The following FOXJ3 variants were observed in gnomAD, a reference collection of about 807,000 sequenced individuals.
FOXJ3 encodes forkhead box J3.
A neutral mutation model predicts 76.1 loss-of-function variants in FOXJ3; 22 were observed. That is an observed-to-expected ratio of 0.29 (90% CI 0.21 to 0.41). The LOEUF (loss-of-function observed/expected upper bound fraction) is 0.41, where lower values mean the gene tolerates loss of function less well. Among genes scored for constraint, FOXJ3 ranks in the 10% least tolerant of loss-of-function variants. FOXJ3 has a pLI of 1.00. For synonymous variants in FOXJ3, 269 were observed against 261.2 expected (o/e 1.03, Z -0.29); for missense variants, 613 against 762.1 (o/e 0.80, Z 2.30).
chr1:42,275,911 A>G (rs145299364), intron 3 of FOXJ3, among the ~76,000 whole-genome samples: 1 of 152,216 alleles, frequency 6.6e-6, no homozygotes. Context: ...TGACAACAAC[A>G]GCACAAAGAA....
intron 4 of FOXJ3, among the ~76,000 whole-genome samples, chr1:42,252,638 C>T (rs1650192291): frequency 6.7e-6 from 1 of 148,830 alleles, no homozygotes; most frequent in Non-Finnish European, 1.5e-5. Context: ...CAGTTCTGCT[C>T]TGATTTTAGT....
intron 2 of FOXJ3, among the ~76,000 whole-genome samples, chr1:42,306,093 T>C (rs961637993): frequency 1.3e-5 from 2 of 152,174 alleles, no homozygotes; most frequent in Non-Finnish European, 2.9e-5. Context: ...TATTCACTTG[T>C]CTACATAAAG....
intron 9 of FOXJ3, 104 bp downstream of exon 9, chr1:42,191,199 G>C (rs947684400): frequency 5.8e-6 from 6 of 1,036,306 alleles, no homozygotes; most frequent in Non-Finnish European, 8.3e-6. Flanking sequence ...CAAGGAAACA[G>C]ATGTAAAGAG....
At chr1:42,291,079 T>TAGATAGATAGACAGAC (rs1553167254) in intron 2 of FOXJ3, among the ~76,000 whole-genome samples, 36 of 125,656 alleles carry the variant, frequency 2.9e-4, no homozygotes, top group African/African-American at 1.0e-3. Flanking sequence ...GATAGATAGA[T>TAGATAGATAGACAGAC]AGATAGACAG....
At chr1:42,249,007 G>C (rs1649796615) in intron 4 of FOXJ3, among the ~76,000 whole-genome samples, 1 of 151,988 alleles carries the variant, frequency 6.6e-6, no homozygotes, top group African/African-American at 2.4e-5. Context: ...GTGGTGTTTG[G>C]TTTTCTGTTC....
intron 7 of FOXJ3, among the ~76,000 whole-genome samples, chr1:42,198,308 T>C (rs537484284): frequency 1.3e-5 from 2 of 152,384 alleles, no homozygotes; most frequent in East Asian, 3.9e-4. Flanking sequence ...ACATTCAATG[T>C]GAATTTTAAT....
rs67533279 is a variant in FOXJ3, at chr1:42,242,566, C to CA, written c.445-14601dup. 2.0e-3 allele frequency among the ~76,000 whole-genome samples: 276 copies of CA among 139,750 alleles called. 1 individual carries two copies. The highest frequency in any genetic ancestry group is 7.5e-3 in the Middle Eastern group (2 of 266). The allele number at this position is 139,750 out of a possible 152,430, so 91.7% of individuals were successfully genotyped here. On this transcript the variant is annotated intron_variant, in intron 4 of 12. Transcript: ENST00000361346. The stretch of plus-strand genomic sequence containing the variant: ...ATCTTTAGAAATAACTCAATAAGAC[C>CA]AAAAAAAAAAAAAAAAGAATGAAAG...
intron 6 of FOXJ3, among the ~76,000 whole-genome samples, chr1:42,205,513 G>A (rs1480750344): frequency 2.0e-5 from 3 of 152,196 alleles, no homozygotes; most frequent in Non-Finnish European, 4.4e-5. Flanking sequence ...GGAACTGTGA[G>A]AGCCAAGAAT....
chr1:42,259,330 A>T (rs997065840), intron 4 of FOXJ3, among the ~76,000 whole-genome samples: 3 of 152,196 alleles, frequency 2.0e-5, no homozygotes, highest in African/African-American at 7.2e-5. Flanking sequence ...GTTTGTTGAA[A>T]CTAATAGAAT....
At chr1:42,334,104 A>C (rs1292602180) in intron 1 of FOXJ3, 1 of 966,564 alleles carries the variant, frequency 1.0e-6, no homozygotes, top group African/African-American at 1.8e-5. Flanking sequence ...CAGACACACA[A>C]AAAGTAAAAC....
intron 2 of FOXJ3, among the ~76,000 whole-genome samples, chr1:42,292,911 G>A (rs766171892): frequency 6.6e-6 from 1 of 152,114 alleles, no homozygotes; most frequent in Non-Finnish European, 1.5e-5. Context: ...GAACAGCCTG[G>A]GCAACATGGT....
chr1:42,270,944 T>C (rs1651825602), intron 3 of FOXJ3, among the ~76,000 whole-genome samples: 1 of 152,196 alleles, frequency 6.6e-6, no homozygotes, highest in South Asian at 2.1e-4. Flanking sequence ...AGTCCTGGTT[T>C]CTGTCCCCAC....
chr1:42,209,208 C>T (rs534342369), intron 5 of FOXJ3, among the ~76,000 whole-genome samples: 18 of 152,250 alleles, frequency 1.2e-4, no homozygotes, highest in South Asian at 2.1e-4. Flanking sequence ...AGTAACGTTG[C>T]GGGATACAAG....
intron 1 of FOXJ3, among the ~76,000 whole-genome samples, chr1:42,331,528 T>C (rs1418187717): frequency 6.6e-6 from 1 of 152,160 alleles, no homozygotes; most frequent in Non-Finnish European, 1.5e-5. Flanking sequence ...TGGATGGGCC[T>C]TGAAACATAT....
At chr1:42,181,889 A>ACT in intron 12 of FOXJ3, 28 bp downstream of exon 12, 1 of 1,410,008 alleles carries the variant, frequency 7.1e-7, no homozygotes, top group Non-Finnish European at 1.0e-6. Context: ...ACACACACAC[A>ACT]CACACTCACT....
chr1:42,202,640 C>T (rs1646785275), intron 6 of FOXJ3, among the ~76,000 whole-genome samples: 1 of 151,924 alleles, frequency 6.6e-6, no homozygotes, highest in Admixed American at 6.6e-5. Context: ...AGGTTTCTAT[C>T]ACAAGGAGAA....
At chr1:42,191,802 A>C (rs1646554464) in intron 8 of FOXJ3, 83 bp from the exon 9 acceptor site, 1 of 1,441,252 alleles carries the variant, frequency 6.9e-7, no homozygotes, top group East Asian at 2.3e-5. Context: ...ACATAACAAA[A>C]GCATATGATG....
intron 2 of FOXJ3, among the ~76,000 whole-genome samples, chr1:42,309,608 C>T (rs1337844197): frequency 1.3e-5 from 2 of 152,156 alleles, no homozygotes; most frequent in Non-Finnish European, 2.9e-5. Context: ...AGGATTTTTA[C>T]ATGTTATGCT....
intron 3 of FOXJ3, among the ~76,000 whole-genome samples, chr1:42,270,083 T>TC (rs1448381751): frequency 6.6e-6 from 1 of 152,182 alleles, no homozygotes; most frequent in African/African-American, 2.4e-5. Flanking sequence ...TCAACATTCA[T>TC]CCCCTCCAAT....
Sources: allele counts gnomAD v4.1 joint callset (sites outside exome capture counted in the v4.1 genomes callset), GRCh38; gene constraint gnomAD v4.1.1; transcripts MANE v1.5; gene names NCBI Gene and HGNC (gene_info 2026-07-23, HGNC 2026-07-21).